The following CAPN13 variants were observed in gnomAD, a reference collection of about 807,000 sequenced individuals.
CAPN13 encodes the protein calpain 13, also known as calpain-13.
A neutral mutation model predicts 98.4 loss-of-function variants in CAPN13; 90 were observed. That is an observed-to-expected ratio of 0.92 (90% CI 0.77 to 1.09). CAPN13 has a LOEUF of 1.09. CAPN13 is among the 50% of genes least tolerant of loss of function. The pLI is 0.00. For synonymous variants in CAPN13, 330 were observed against 305.5 expected (o/e 1.08, Z -0.84); for missense variants, 887 against 841.3 (o/e 1.05, Z -0.67).
chr2:30,764,878 T>C (rs1673036307), intron 5 of CAPN13, among the ~76,000 whole-genome samples: 1 of 152,162 alleles, frequency 6.6e-6, no homozygotes, highest in African/African-American at 2.4e-5. Context: ...GAGCCACTGT[T>C]CTTACTCTGC....
chr2:30,804,570 T>G (rs545680044), intron 1 of CAPN13, among the ~76,000 whole-genome samples: 166 of 152,276 alleles, frequency 1.1e-3, no homozygotes, highest in Non-Finnish European at 1.9e-3. Context: ...TATTTGATCA[T>G]AAATGCTTTA....
At chr2:30,792,059 T>A (rs1319120870) in intron 1 of CAPN13, among the ~76,000 whole-genome samples, 2 of 152,172 alleles carry the variant, frequency 1.3e-5, no homozygotes, top group Admixed American at 1.3e-4. Flanking sequence ...CAATAGAATA[T>A]TTAGGTAAAC....
intron 7 of CAPN13, among the ~76,000 whole-genome samples, chr2:30,760,271 G>C (rs999666547): frequency 6.6e-5 from 10 of 152,300 alleles, no homozygotes; most frequent in South Asian, 6.2e-4. Context: ...ATTTTTAGTA[G>C]AGACGGGGTT....
rs180957177 is a variant in CAPN13, at chr2:30,763,148, A to G, written c.708T>C (p.Asp236=). ...GCCCATTCTCCATCGCCTGTGCTGT[A>G]TCTGTTGGCTTCAAGGCAGAAAAGC... ...ITCATPSGPT[D]TAQAMENGLV... Residue 236 remains aspartate (D), a synonymous_variant, in exon 7 of 23, where the codon GAT becomes GAC. Transcript: ENST00000295055. 14 of 1,610,986 alleles carry G rather than the reference A, an allele frequency of 8.7e-6. No homozygotes were observed. In the Admixed American group the frequency reaches 1.8e-4, roughly 21 times the overall value.
intron 1 of CAPN13, among the ~76,000 whole-genome samples, chr2:30,803,211 G>A (rs1042728315): frequency 5.3e-5 from 8 of 152,232 alleles, no homozygotes; most frequent in African/African-American, 1.9e-4. Context: ...GAGAAGAACA[G>A]GGGCAAAGAT....
At chr2:30,776,248 T>C (rs1290737972) in intron 3 of CAPN13, among the ~76,000 whole-genome samples, 2 of 152,088 alleles carry the variant, frequency 1.3e-5, no homozygotes, top group African/African-American at 4.8e-5. Context: ...GTGGTGGTGG[T>C]GTTCATGGAG....
intron 1 of CAPN13, among the ~76,000 whole-genome samples, chr2:30,801,055 T>C (rs1675240753): frequency 6.6e-6 from 1 of 152,112 alleles, no homozygotes; most frequent in Non-Finnish European, 1.5e-5. Context: ...ACTTAGGAAG[T>C]TGGGGCCTGC....
intron 22 of CAPN13, among the ~76,000 whole-genome samples, chr2:30,729,332 A>G (rs1444785106): frequency 6.6e-6 from 1 of 152,254 alleles, no homozygotes; most frequent in Non-Finnish European, 1.5e-5. Flanking sequence ...AGTAAACACG[A>G]CAATGCCTCT....
intron 7 of CAPN13, 63 bp downstream of exon 7, chr2:30,763,019 G>A: frequency 7.4e-7 from 1 of 1,346,128 alleles, no homozygotes; most frequent in Non-Finnish European, 1.0e-6. Context: ...CCCCTATTGA[G>A]AGGAACAAGA....
intron 20 of CAPN13, 24 bp downstream of exon 20, chr2:30,732,414 G>A (rs774587975): frequency 1.9e-6 from 3 of 1,612,248 alleles, no homozygotes; most frequent in South Asian, 1.1e-5. Flanking sequence ...CAAGGTCTCT[G>A]GGATGCCCCT....
At chr2:30,731,193 T>A (rs1249113895) in intron 21 of CAPN13, 151 bp downstream of exon 21, 2 of 622,850 alleles carry the variant, frequency 3.2e-6, no homozygotes, top group African/African-American at 3.8e-5. Context: ...CGGCCAGCGA[T>A]ATATAAGGCA....
intron 2 of CAPN13, among the ~76,000 whole-genome samples, chr2:30,783,702 C>T (rs760238044): frequency 6.6e-6 from 1 of 152,174 alleles, no homozygotes; most frequent in South Asian, 2.1e-4. Flanking sequence ...TTGTGGTTTA[C>T]CAGTTGCCTA....
rs558172065 is a variant in CAPN13 at position 30,758,120 on chromosome 2, G to A, written c.792C>T (p.Gly264=). The change falls in exon 8 of 23, where the codon GGC becomes GGT. Residue 264 remains glycine (G), a synonymous_variant. Coordinates refer to ENST00000295055, the MANE Select transcript of CAPN13 (RefSeq NM_144575.3). ...TGAEQIQYRR[G]WEEIISLWNP... is the part of the protein sequence containing the mutation. ...TCCACAGGGAGATAATTTCTTCCCA[G>A]CCCCTTCGGTATTGAATCTGTAAAG... 4.4e-6 allele frequency: 7 copies of A among 1,605,054 alleles called. No individual in the cohort carries two copies. In the South Asian group the frequency reaches 5.6e-5, roughly 13 times the overall value.
intron 2 of CAPN13, among the ~76,000 whole-genome samples, chr2:30,781,128 GCTT>G (rs1249180677): frequency 6.6e-6 from 1 of 152,182 alleles, no homozygotes; most frequent in Admixed American, 6.5e-5. Flanking sequence ...GATTCACATA[GCTT>G]CTCAGGGGAT....
At chr2:30,758,454 G>A (rs531789933) in intron 7 of CAPN13, among the ~76,000 whole-genome samples, 2 of 152,326 alleles carry the variant, frequency 1.3e-5, no homozygotes, top group South Asian at 2.1e-4. Context: ...AACAGCAGGG[G>A]ATGTTGCTTC....
chr2:30,737,936 TATCAGAGGG>T, intron 17 of CAPN13: 1 of 417,642 alleles, frequency 2.4e-6, no homozygotes, highest in Non-Finnish European at 4.4e-6. Flanking sequence ...TACTTTTTTG[TATCAGAGGG>T]ATTGCTTCAA....
chr2:30,756,806 C>T (rs577345869), intron 8 of CAPN13, among the ~76,000 whole-genome samples: 8 of 152,310 alleles, frequency 5.3e-5, no homozygotes, highest in East Asian at 1.9e-4. Context: ...TTCGGCTGCC[C>T]GATTCTCGCA....
At chr2:30,752,874 A>C (rs1298982277) in intron 10 of CAPN13, among the ~76,000 whole-genome samples, 179 bp downstream of exon 10, 1 of 152,206 alleles carries the variant, frequency 6.6e-6, no homozygotes, top group Admixed American at 6.5e-5. Flanking sequence ...CTTGGCCCCT[A>C]CAGCAATCAT....
rs992494896 is a variant in CAPN13, at chr2:30,802,659, G to A, written c.-33+4643C>T. Among the ~76,000 whole-genome samples the A allele has an allele frequency of 5.3e-5, 8 of 152,166 alleles. No individual in the cohort carries two copies. In the East Asian group the frequency reaches 1.2e-3, roughly 22 times the overall value. ...GAGCTTCTGAAAGCAAGGACTGAGG[G>A]CAAGAAGGAAAGACAGAGGAAAGAG... On this transcript the variant is annotated intron_variant, in intron 1 of 22. Coordinates refer to ENST00000295055, the MANE Select transcript of CAPN13 (RefSeq NM_144575.3).
Sources: allele counts gnomAD v4.1 joint callset (sites outside exome capture counted in the v4.1 genomes callset), GRCh38; gene constraint gnomAD v4.1.1; transcripts MANE v1.5; gene names NCBI Gene and HGNC (gene_info 2026-07-23, HGNC 2026-07-21).